RPL26L1: variants seen among roughly 807,000 people sequenced by gnomAD.
The protein encoded by RPL26L1 is ribosomal protein uL24-like.
Under a neutral mutation model 15.2 loss-of-function variants are expected in RPL26L1, and 8 were observed. The ratio of observed to expected loss-of-function variants is 0.53; its 90% CI spans 0.31 to 0.95. The LOEUF is 0.95. RPL26L1 is among the 40% of genes least tolerant of loss of function. The probability of loss-of-function intolerance (pLI) is 0.05; values close to 1 mark genes in which losing one functional copy is unlikely to be tolerated. For missense variants in RPL26L1, 146 were observed against 190.9 expected (o/e 0.76, Z 1.39); for synonymous variants, 51 against 65.9 (o/e 0.77, Z 1.09).
intron 3 of RPL26L1, among the ~76,000 whole-genome samples, chr5:172,969,089 AGCCATCAT>A (rs1397825253): frequency 6.6e-6 from 1 of 151,816 alleles, no homozygotes; most frequent in Non-Finnish European, 1.5e-5. Flanking sequence ...TACAGGTGTG[AGCCATCAT>A]GGCCGGCCGA....
In RPL26L1 at chr5:172,969,466, C is replaced by T. The variant is rs1755603484; in HGVS notation, c.363C>T (p.Arg121=). Residue 121 remains arginine (R), a synonymous_variant, in exon 4 of 4, where the codon CGC becomes CGT. Transcript: ENST00000265100. Reference sequence around the variant, plus strand: ...AGGATCGGAAAAAAATTCTTGAACGCAAAGCCAAGTCTCGACAAGTTGGAA... The same window carrying T: ...AGGATCGGAAAAAAATTCTTGAACGTAAAGCCAAGTCTCGACAAGTTGGAA... The part of the protein sequence containing the change: ...LDKDRKKILE[R]KAKSRQVGKE... 6.2e-7 allele frequency: 1 copy of T among 1,613,594 alleles called. No individual in the cohort carries two copies. Among genetic ancestry groups the T allele is most frequent in the Non-Finnish European group, 8.5e-7 (1 of 1,179,724 alleles).
In RPL26L1 at chr5:172,959,888, C is replaced by G; in HGVS notation, c.15C>G (p.Pro5=). 5.0e-6 allele frequency: 8 copies of G among 1,614,176 alleles called. No individual in the cohort carries two copies. Among genetic ancestry groups the G allele is most frequent in the Non-Finnish European group, 6.8e-6 (8 of 1,180,032 alleles). ...AGAGGGTCACCATGAAGTTCAATCC[C>G]TTCGTTACCTCGGACCGCAGTAAAA... MKFN[P]FVTSDRSKNR... The change falls in exon 2 of 4, where the codon CCC becomes CCG. Residue 5 remains proline, a synonymous_variant. Transcript: ENST00000265100.
In RPL26L1 at chr5:172,960,058, C is replaced by T. The variant is rs1387572851; in HGVS notation, c.168+17C>T. The T allele has an allele frequency of 4.3e-6, 7 of 1,613,826 alleles. No homozygotes were observed. Among genetic ancestry groups the T allele is most frequent in the Non-Finnish European group, 5.1e-6 (6 of 1,179,874 alleles). On this transcript the variant is annotated intron_variant, in intron 2 of 3. Transcript: ENST00000265100. ...GAGGTCCAGGTACGTCTCCCTCCGG[C>T]GCTAGTGGCGCTCGGACACCGTTGC...
At chr5:172,967,230 C>T (rs1039112941) in intron 2 of RPL26L1, among the ~76,000 whole-genome samples, 33 of 151,666 alleles carry the variant, frequency 2.2e-4, no homozygotes, top group African/African-American at 7.5e-4. Flanking sequence ...TTTGGGAGGC[C>T]GAGGCAGGCA....
At chr5:172,959,504 T>G in intron 1 of RPL26L1, 36 bp downstream of exon 1, 3 of 1,050,950 alleles carry the variant, frequency 2.9e-6, no homozygotes, top group Non-Finnish European at 3.5e-6. Flanking sequence ...GACAGTGAAC[T>G]CTACCGCCCC....
chr5:172,959,463 A>T lies in RPL26L1; in HGVS notation c.-15A>T, dbSNP rs1440019536. 5.9e-6 allele frequency: 6 copies of T among 1,016,364 alleles called. No homozygotes were observed. Among genetic ancestry groups the T allele is most frequent in the African/African-American group, 1.7e-5 (1 of 58,916 alleles). The allele number at this position is 1,016,364 out of a possible 1,614,324, so 63.0% of individuals were successfully genotyped here. A position where few individuals can be genotyped will look rare whatever the true frequency, so the allele number is the denominator to read the frequency against. ...GCACTCAGGGTCTGAGGCAGCTAGT[A>T]GCCGGGTGAGTGGAGGCTGGAGTTT... On this transcript the variant is annotated 5_prime_UTR_variant, in exon 1 of 4. Coordinates refer to ENST00000265100, the MANE Select transcript of RPL26L1 (RefSeq NM_016093.4).
At chr5:172,958,898 C>A (rs368245715), upstream of RPL26L1, 1,752 of 154,352 alleles carry the variant, frequency 0.011, 28 homozygotes, top group South Asian at 0.055. Context: ...GCAGGCACGC[C>A]GCCGGCCGCC....
intron 2 of RPL26L1, among the ~76,000 whole-genome samples, chr5:172,966,589 C>A (rs531327740): frequency 6.6e-6 from 1 of 151,714 alleles, no homozygotes; most frequent in Non-Finnish European, 1.5e-5. Flanking sequence ...CATAGTGAAA[C>A]CCTGTCTCTT....
upstream of RPL26L1, chr5:172,958,901 C>G (rs1755096508): frequency 6.5e-6 from 1 of 154,586 alleles, no homozygotes; most frequent in African/African-American, 2.4e-5. Context: ...GGCACGCCGC[C>G]GGCCGCCGTT....
upstream of RPL26L1, chr5:172,958,604 G>A (rs1400897496): frequency 1.1e-5 from 4 of 350,056 alleles, no homozygotes; most frequent in Admixed American, 3.2e-5. Flanking sequence ...GGGCGTGGTT[G>A]ATCTCCCTCA....
intron 2 of RPL26L1, among the ~76,000 whole-genome samples, chr5:172,964,581 C>T (rs933895373): frequency 1.3e-5 from 2 of 152,150 alleles, no homozygotes; most frequent in Non-Finnish European, 2.9e-5. Context: ...CCACCACGCC[C>T]GGCTGCCTGT....
At chr5:172,958,585 C>T, upstream of RPL26L1, 1 of 365,302 alleles carries the variant, frequency 2.7e-6, no homozygotes, top group Non-Finnish European at 5.7e-6. Flanking sequence ...GCCACGGTGC[C>T]CACGGAGGGG....
chr5:172,965,726 C>T (rs1755426350), intron 2 of RPL26L1, among the ~76,000 whole-genome samples: 5 of 152,320 alleles, frequency 3.3e-5, no homozygotes, highest in Admixed American at 3.3e-4. Flanking sequence ...AAAATGCTGG[C>T]TTTTCTCACA....
intron 2 of RPL26L1, among the ~76,000 whole-genome samples, chr5:172,966,311 C>CTTTTTT (rs1310691278): frequency 9.4e-5 from 7 of 74,162 alleles, no homozygotes; most frequent in East Asian, 4.6e-4. Flanking sequence ...GTCTGGCTAA[C>CTTTTTT]TATTTTTTTT....
intron 2 of RPL26L1, among the ~76,000 whole-genome samples, chr5:172,962,737 A>G (rs1385339781): frequency 7.0e-6 from 1 of 143,300 alleles, no homozygotes; most frequent in Non-Finnish European, 1.5e-5. Context: ...AATGGCGTGA[A>G]CCCGGGAGGG....
chr5:172,955,339 G>A (rs1018897830), upstream of RPL26L1: 10 of 237,440 alleles, frequency 4.2e-5, no homozygotes, highest in Admixed American at 5.1e-4. Flanking sequence ...ATATTGGTCA[G>A]GCTGGTCTCG....
At chr5:172,956,883 A>G, upstream of RPL26L1, 1 of 203,360 alleles carries the variant, frequency 4.9e-6, no homozygotes, top group Non-Finnish European at 1.0e-5. Flanking sequence ...GGTTGCAGTG[A>G]GCCAAAACTG....
chr5:172,965,681 C>G (rs768843661), intron 2 of RPL26L1, among the ~76,000 whole-genome samples: 1 of 152,180 alleles, frequency 6.6e-6, no homozygotes, highest in Non-Finnish European at 1.5e-5. Flanking sequence ...ATTTCCCATT[C>G]GCTCTGGCCA....
upstream of RPL26L1, chr5:172,957,826 A>C (rs1755027035): frequency 1.2e-5 from 2 of 165,306 alleles, no homozygotes; most frequent in Non-Finnish European, 1.3e-5. Context: ...GCCTGGGCAC[A>C]CGCACAGCTG....
Sources: allele counts gnomAD v4.1 joint callset (sites outside exome capture counted in the v4.1 genomes callset), GRCh38; gene constraint gnomAD v4.1.1; transcripts MANE v1.5; gene names NCBI Gene and HGNC (gene_info 2026-07-23, HGNC 2026-07-21).